The following ZPBP variants were observed in gnomAD, a reference collection of about 807,000 sequenced individuals.
ZPBP encodes the protein zona pellucida binding protein.
A neutral mutation model predicts 44.8 loss-of-function variants in ZPBP; 26 were observed. That is an observed-to-expected ratio of 0.58 (90% CI 0.43 to 0.81). The LOEUF is 0.81. Ranked by LOEUF, ZPBP falls within the 30% of genes least tolerant of loss-of-function variation. ZPBP has a pLI of 0.00. For synonymous variants in ZPBP, 174 were observed against 153.2 expected (o/e 1.14, Z -1.00); for missense variants, 409 against 434.0 (o/e 0.94, Z 0.51).
chr7:50,079,143 T>C (rs1041532839), intron 3 of ZPBP, among the ~76,000 whole-genome samples: 2 of 151,600 alleles, frequency 1.3e-5, no homozygotes, highest in African/African-American at 4.8e-5. Flanking sequence ...AAATCCAATG[T>C]TGGACAAATT....
At chr7:50,081,377 T>C (rs796138730) in intron 3 of ZPBP, among the ~76,000 whole-genome samples, 7 of 151,838 alleles carry the variant, frequency 4.6e-5, no homozygotes, top group African/African-American at 1.7e-4. Context: ...AAAACTACAG[T>C]GTTAAAAATC....
chr7:49,982,201 T>TTG lies in ZPBP; in HGVS notation c.961+1140_961+1141insCA, dbSNP rs1583975761. Among the ~76,000 whole-genome samples the TTG allele has an allele frequency of 1.1e-4, 3 of 27,386 alleles. No individual in the cohort carries two copies. The East Asian group carries it at 4.8e-3, about 44-fold the overall frequency. 18.0% of individuals were successfully genotyped at this position (27,386 alleles called of 152,430 possible). The stretch of plus-strand genomic sequence containing the variant: ...TATAATTTATTATTATATATATTTA[T>TTG]TATATATATATATAATGTAATATAT... On this transcript the variant is annotated intron_variant, in intron 7 of 7. Coordinates refer to ENST00000046087, the MANE Select transcript of ZPBP (RefSeq NM_007009.3).
chr7:50,019,682 T>A (rs1798997131), intron 5 of ZPBP, among the ~76,000 whole-genome samples: 1 of 152,104 alleles, frequency 6.6e-6, no homozygotes. Context: ...TTTAAACATA[T>A]TTCTTTCATA....
intron 7 of ZPBP, among the ~76,000 whole-genome samples, chr7:49,967,937 T>C (rs1256595593): frequency 6.6e-6 from 1 of 152,122 alleles, no homozygotes; most frequent in African/African-American, 2.4e-5. Context: ...CTGGGTTGAA[T>C]TGTCTCCCTG....
At chr7:49,924,063 C>T (rs1794133607) in intron 1 of ZPBP, among the ~76,000 whole-genome samples, 1 of 151,982 alleles carries the variant, frequency 6.6e-6, no homozygotes, top group African/African-American at 2.4e-5. Flanking sequence ...GCGGAGGTTG[C>T]AGTGAGCCAA....
At chr7:50,044,271 A>G (rs1371436019) in intron 4 of ZPBP, among the ~76,000 whole-genome samples, 1 of 152,206 alleles carries the variant, frequency 6.6e-6, no homozygotes, top group African/African-American at 2.4e-5. Flanking sequence ...AAGCAAGAGC[A>G]AACAAATTCA....
intron 2 of ZPBP, among the ~76,000 whole-genome samples, chr7:49,864,083 T>C (rs932419657): frequency 6.6e-6 from 1 of 152,180 alleles, no homozygotes. Context: ...TTTGTTGTTG[T>C]TGTTGTTGTT....
intron 7 of ZPBP, among the ~76,000 whole-genome samples, chr7:49,957,140 T>G (rs917181978): frequency 1.9e-4 from 29 of 152,174 alleles, no homozygotes; most frequent in Non-Finnish European, 3.8e-4. Context: ...ATCATAAGGT[T>G]ACACAATGAG....
At chr7:49,956,102 A>C (rs555837163) in intron 7 of ZPBP, among the ~76,000 whole-genome samples, 1 of 152,174 alleles carries the variant, frequency 6.6e-6, no homozygotes, top group Non-Finnish European at 1.5e-5. Context: ...TCTAAAAAGC[A>C]AAGAGATTAA....
chr7:49,892,490 TA>T (rs1244641354), intron 2 of ZPBP, among the ~76,000 whole-genome samples: 4 of 152,206 alleles, frequency 2.6e-5, no homozygotes, highest in African/African-American at 9.7e-5. Context: ...TATGATTATC[TA>T]AGGAGTGCAG....
chr7:49,860,166 T>G lies in ZPBP; in HGVS notation n.510-9652A>C, dbSNP rs115464978. ...TGTTCAATCCAGTGGCATTGTACAT[T>G]CACAAGGTTGTGCAATCATCACCAC... On this transcript the variant is annotated intron_variant and non_coding_transcript_variant, in intron 2 of 2. Transcript: ENST00000465922. Among the ~76,000 whole-genome samples, 1,131 of 152,296 alleles carry G rather than the reference T, an allele frequency of 7.4e-3. 10 individuals are homozygous for G. The highest frequency in any genetic ancestry group is 0.026 in the African/African-American group (1,066 of 41,556).
At chr7:49,893,602 C>G (rs655184) in intron 2 of ZPBP, among the ~76,000 whole-genome samples, 4,948 of 150,478 alleles carry the variant, frequency 0.033, 296 homozygotes, top group African/African-American at 0.11. Flanking sequence ...TTAGTTTACT[C>G]TTAGTGAAAT....
chr7:50,054,474 A>G (rs541181029), intron 4 of ZPBP, among the ~76,000 whole-genome samples: 1 of 152,260 alleles, frequency 6.6e-6, no homozygotes, highest in Non-Finnish European at 1.5e-5. Context: ...GTTCTAACTC[A>G]CTAATAATTA....
chr7:50,068,977 T>C (rs796787724), intron 3 of ZPBP, among the ~76,000 whole-genome samples: 1 of 152,198 alleles, frequency 6.6e-6, no homozygotes, highest in African/African-American at 2.4e-5. Context: ...AGCACCTTTG[T>C]AGGTGCTAAA....
chr7:50,090,837 G>A (rs1221740945), intron 1 of ZPBP, among the ~76,000 whole-genome samples: 1 of 151,916 alleles, frequency 6.6e-6, no homozygotes, highest in Non-Finnish European at 1.5e-5. Flanking sequence ...ACCAGTAGTT[G>A]GACTGCTGGA....
chr7:49,892,342 G>A (rs1424239416), intron 2 of ZPBP, among the ~76,000 whole-genome samples: 1 of 152,044 alleles, frequency 6.6e-6, no homozygotes, highest in African/African-American at 2.4e-5. Context: ...CACCGCGCCC[G>A]GCCAGACAAA....
chr7:49,938,441 A>G (rs1194195883), intron 7 of ZPBP, among the ~76,000 whole-genome samples: 1 of 152,222 alleles, frequency 6.6e-6, no homozygotes, highest in Non-Finnish European at 1.5e-5. Flanking sequence ...TCTCTGTCAC[A>G]GATTATCTTT....
At chr7:50,016,412 G>A (rs1798824652) in intron 6 of ZPBP, among the ~76,000 whole-genome samples, 1 of 152,066 alleles carries the variant, frequency 6.6e-6, no homozygotes, top group Admixed American at 6.6e-5. Context: ...TTACTTGAGG[G>A]TGGAAGGTGA....
At chr7:49,967,266 A>G (rs1796100204) in intron 7 of ZPBP, among the ~76,000 whole-genome samples, 1 of 152,104 alleles carries the variant, frequency 6.6e-6, no homozygotes, top group Non-Finnish European at 1.5e-5. Flanking sequence ...GGGATAACTG[A>G]CCCCTTTCTT....
Sources: allele counts gnomAD v4.1 joint callset (sites outside exome capture counted in the v4.1 genomes callset), GRCh38; gene constraint gnomAD v4.1.1; transcripts MANE v1.5; gene names NCBI Gene and HGNC (gene_info 2026-07-23, HGNC 2026-07-21).